DLGAP1: variants seen among roughly 807,000 people sequenced by gnomAD.
DLGAP1 encodes DLG associated protein 1.
In DLGAP1, 11 loss-of-function variants were observed where a neutral mutation model predicts 90.8. That is an observed-to-expected ratio of 0.12 (90% CI 0.08 to 0.20). The LOEUF is 0.20. DLGAP1 is among the 10% of genes least tolerant of loss of function. The probability of loss-of-function intolerance (pLI) is 1.00; values close to 1 mark genes in which losing one functional copy is unlikely to be tolerated. For missense variants in DLGAP1, 1,050 were observed against 1,333.8 expected (o/e 0.79, Z 3.31); for synonymous variants, 558 against 540.7 (o/e 1.03, Z -0.44).
intron 2 of DLGAP1, among the ~76,000 whole-genome samples, chr18:4,059,726 A>C (rs1203660153): frequency 6.6e-6 from 1 of 151,810 alleles, no homozygotes; most frequent in Non-Finnish European, 1.5e-5. Context: ...ATAAATAAAT[A>C]AATAAATAAA....
chr18:3,839,786 T>C (rs1568221511), intron 4 of DLGAP1, among the ~76,000 whole-genome samples: 1 of 152,218 alleles, frequency 6.6e-6, no homozygotes, highest in Non-Finnish European at 1.5e-5. Flanking sequence ...GCTCCTTTTG[T>C]TTCTGGGACA....
At chr18:4,388,457 A>C (rs2082279416) in intron 1 of DLGAP1, among the ~76,000 whole-genome samples, 1 of 152,166 alleles carries the variant, frequency 6.6e-6, no homozygotes, top group African/African-American at 2.4e-5. Context: ...GTCATTAGTG[A>C]AGAAAGCCAT....
chr18:4,297,411 AT>A (rs1177867636), intron 1 of DLGAP1, among the ~76,000 whole-genome samples: 5 of 152,226 alleles, frequency 3.3e-5, no homozygotes, highest in Admixed American at 3.3e-4. Context: ...ACAAAACTTT[AT>A]GCCTAAAACT....
intron 3 of DLGAP1, among the ~76,000 whole-genome samples, chr18:3,993,653 C>T (rs1193262496): frequency 6.6e-6 from 1 of 152,118 alleles, no homozygotes; most frequent in Non-Finnish European, 1.5e-5. Context: ...TGGAAATTAA[C>T]CAAACGTGGT....
At chr18:4,300,453 A>T (rs2080096433) in intron 1 of DLGAP1, among the ~76,000 whole-genome samples, 1 of 152,140 alleles carries the variant, frequency 6.6e-6, no homozygotes, top group African/African-American at 2.4e-5. Flanking sequence ...GTACAGATAC[A>T]CCTACAAACT....
At chr18:4,147,033 A>T (rs1369524680) in intron 2 of DLGAP1, among the ~76,000 whole-genome samples, 1 of 152,186 alleles carries the variant, frequency 6.6e-6, no homozygotes, top group Admixed American at 6.5e-5. Context: ...ATGCATGCAG[A>T]TAAAAGATGT....
chr18:4,348,724 G>A (rs1017512873), intron 1 of DLGAP1, among the ~76,000 whole-genome samples: 4 of 152,040 alleles, frequency 2.6e-5, no homozygotes, highest in Admixed American at 6.6e-5. Flanking sequence ...TCAAAATTTC[G>A]TGGCATCAGA....
chr18:4,152,623 C>T (rs1225511709), intron 1 of DLGAP1, among the ~76,000 whole-genome samples: 1 of 152,166 alleles, frequency 6.6e-6, no homozygotes, highest in Admixed American at 6.5e-5. Flanking sequence ...GCAAAGCTGA[C>T]AGGTATGAAA....
chr18:3,942,324 T>C (rs2072785540), intron 3 of DLGAP1, among the ~76,000 whole-genome samples: 1 of 152,196 alleles, frequency 6.6e-6, no homozygotes, highest in Non-Finnish European at 1.5e-5. Context: ...TTCAATCATG[T>C]GTCTAAGTTG....
intron 7 of DLGAP1, among the ~76,000 whole-genome samples, chr18:3,628,974 A>C (rs1488752796): frequency 6.6e-6 from 1 of 152,210 alleles, no homozygotes; most frequent in Non-Finnish European, 1.5e-5. Context: ...CAAGTAAAAG[A>C]CTTTTCTAGA....
At chr18:4,382,446 T>C (rs147504262) in intron 1 of DLGAP1, among the ~76,000 whole-genome samples, 2 of 151,016 alleles carry the variant, frequency 1.3e-5, no homozygotes, top group East Asian at 3.9e-4. Flanking sequence ...TAATTGATCA[T>C]GAGAAAAAAA....
At chr18:4,299,085 C>CAA (rs35327176) in intron 1 of DLGAP1, among the ~76,000 whole-genome samples, 2,944 of 76,000 alleles carry the variant, frequency 0.039, 137 homozygotes, top group African/African-American at 0.099. Flanking sequence ...TGTCTCAAGA[C>CAA]AAAAAAAAAA....
At chr18:4,006,899 C>T (rs76896704) in intron 2 of DLGAP1, among the ~76,000 whole-genome samples, 9,894 of 152,168 alleles carry the variant, frequency 0.065, 908 homozygotes, top group African/African-American at 0.2. Context: ...CCTCCTACCT[C>T]GGCCTACTAA....
chr18:4,336,950 A>G (rs979139919), intron 1 of DLGAP1, among the ~76,000 whole-genome samples: 9 of 149,632 alleles, frequency 6.0e-5, no homozygotes, highest in Non-Finnish European at 1.0e-4. Flanking sequence ...AATACAAAAA[A>G]AAAAAAAAAA....
intron 1 of DLGAP1, among the ~76,000 whole-genome samples, chr18:4,409,270 AT>A (rs1234391150): frequency 6.6e-6 from 1 of 152,058 alleles, no homozygotes; most frequent in Admixed American, 6.6e-5. Context: ...ACTACAGTTA[AT>A]TTTTTTATTT....
rs1396085585 is a variant in DLGAP1 at position 4,037,917 on chromosome 18, G to A, written c.-158-32716C>T. Among the ~76,000 whole-genome samples the A allele has an allele frequency of 3.3e-5, 5 of 152,154 alleles. No individual in the cohort carries two copies. The East Asian group carries it at 5.8e-4, about 18-fold the overall frequency. On this transcript the variant is annotated intron_variant, in intron 2 of 12. Coordinates refer to ENST00000315677, the MANE Select transcript of DLGAP1 (RefSeq NM_004746.4). ...GGAAGTTGCAGTGAGCTGAGATCAC[G>A]CCACTGCATTCCAGCCTGGGCAACA...
intron 1 of DLGAP1, among the ~76,000 whole-genome samples, chr18:4,306,493 T>G (rs2080268217): frequency 1.4e-5 from 2 of 142,968 alleles, no homozygotes; most frequent in African/African-American, 2.6e-5. Flanking sequence ...GAGAAGAAAA[T>G]AAAGAAGAAA....
At chr18:3,957,673 A>G (rs777901750) in intron 3 of DLGAP1, among the ~76,000 whole-genome samples, 4 of 152,146 alleles carry the variant, frequency 2.6e-5, no homozygotes, top group Non-Finnish European at 5.9e-5. Flanking sequence ...TTTATTATTT[A>G]CTTACTAAAT....
At chr18:4,204,370 A>G (rs2144832836) in intron 1 of DLGAP1, among the ~76,000 whole-genome samples, 1 of 152,362 alleles carries the variant, frequency 6.6e-6, no homozygotes, top group Non-Finnish European at 1.5e-5. Flanking sequence ...AATCTTGCCA[A>G]GACAACTCAA....
Sources: gnomAD v4.1 joint callset for allele counts (sites outside exome capture counted in the v4.1 genomes callset) on GRCh38, gnomAD v4.1.1 for gene constraint, MANE v1.5 for transcripts, NCBI Gene and HGNC (gene_info 2026-07-23, HGNC 2026-07-21) for gene names.